Variants in ATP9B observed in about 807,000 individuals in gnomAD.
ATP9B encodes ATPase phospholipid transporting 9B.
ATP9B carries 110 observed loss-of-function variants against 146.1 expected under a neutral mutation model. The observed-to-expected ratio is 0.75, with a 90% CI of 0.65 to 0.88. The LOEUF is 0.88. Ranked by LOEUF, ATP9B falls within the 40% of genes least tolerant of loss-of-function variation. The pLI is 0.00. For missense variants in ATP9B, 1,499 were observed against 1,496.4 expected (o/e 1.00, Z -0.03); for synonymous variants, 604 against 569.7 (o/e 1.06, Z -0.86).
intron 4 of ATP9B, chr18:79,117,830 A>T (rs2094114303): frequency 6.6e-6 from 1 of 152,212 alleles, no homozygotes; most frequent in East Asian, 1.9e-4. Flanking sequence ...CATTAGCAGT[A>T]ACCTATTCTG....
At chr18:79,145,064 G>A (rs1270509582) in intron 6 of ATP9B, 1 of 185,028 alleles carries the variant, frequency 5.4e-6, no homozygotes, top group South Asian at 7.5e-5. Context: ...GACTGAAGGT[G>A]CAAGCTGCAT....
chr18:79,129,997 C>T (rs929706576), intron 5 of ATP9B, among the ~76,000 whole-genome samples: 9 of 152,156 alleles, frequency 5.9e-5, no homozygotes, highest in Admixed American at 3.9e-4. Flanking sequence ...TTGCCTTGGC[C>T]TCCCAAAGTG....
chr18:79,097,952 A>G (rs916873213), intron 2 of ATP9B, among the ~76,000 whole-genome samples: 23 of 152,036 alleles, frequency 1.5e-4, no homozygotes, highest in African/African-American at 5.1e-4. Context: ...GAATCGCCAC[A>G]CTGACTTCCA....
intron 7 of ATP9B, among the ~76,000 whole-genome samples, chr18:79,159,657 GTC>G (rs2094848525): frequency 6.6e-6 from 1 of 152,046 alleles, no homozygotes; most frequent in Non-Finnish European, 1.5e-5. Flanking sequence ...GTTGAAACGT[GTC>G]TCTACCCAGT....
intron 10 of ATP9B, among the ~76,000 whole-genome samples, chr18:79,213,693 A>C (rs373171216): frequency 6.6e-6 from 1 of 152,108 alleles, no homozygotes; most frequent in Admixed American, 6.5e-5. Flanking sequence ...CATTATCTCT[A>C]TTGTCAGTGA....
In ATP9B at chr18:79,224,707, GCT is replaced by G. The variant is rs929564600; in HGVS notation, c.1107+10674_1107+10675del. Reference sequence around the variant, plus strand: ...CGCTGCCAATGTCTGTTGGAACAAGGCTCTCTGCTGAGCATGTGTGCCATCTC... The same window carrying G: ...CGCTGCCAATGTCTGTTGGAACAAGGCTCTGCTGAGCATGTGTGCCATCTC... On this transcript the variant is annotated intron_variant, in intron 11 of 29. Coordinates refer to ENST00000426216, the MANE Select transcript of ATP9B (RefSeq NM_198531.5). 2.8e-4 allele frequency among the ~76,000 whole-genome samples: 42 copies of G among 152,172 alleles called. 1 individual carries two copies. The highest frequency in any genetic ancestry group is 1.5e-4 in the Non-Finnish European group (10 of 68,030).
chr18:79,319,262 G>A lies in ATP9B; in HGVS notation c.1774-9879G>A, dbSNP rs529210678. 7.9e-5 allele frequency among the ~76,000 whole-genome samples: 12 copies of A among 152,340 alleles called. No homozygotes were observed. In the South Asian group the frequency reaches 8.3e-4, roughly 11 times the overall value. ...AAATATTGTCTCTTGTTAAAGACACGTAAGCTGCCTTCCAGAAGTGCTTCA... is the reference window on the plus strand; with the variant it reads ...AAATATTGTCTCTTGTTAAAGACACATAAGCTGCCTTCCAGAAGTGCTTCA... On this transcript the variant is annotated intron_variant, in intron 15 of 29. Transcript: ENST00000426216.
At chr18:79,273,346 G>A (rs139433951) in intron 12 of ATP9B, among the ~76,000 whole-genome samples, 9 of 152,288 alleles carry the variant, frequency 5.9e-5, no homozygotes, top group East Asian at 1.9e-4. Context: ...GTGTTTGGGC[G>A]CCGGCCCTGC....
chr18:79,140,322 A>G (rs956103155), intron 5 of ATP9B, among the ~76,000 whole-genome samples: 1 of 152,084 alleles, frequency 6.6e-6, no homozygotes, highest in African/African-American at 2.4e-5. Context: ...ATTATCATCG[A>G]ATGGAATTTT....
intron 1 of ATP9B, chr18:79,086,535 AG>A (rs1319779579): frequency 4.0e-5 from 6 of 149,678 alleles, no homozygotes; most frequent in Admixed American, 1.3e-4. Flanking sequence ...TACACCTAAT[AG>A]TATTAGCATG....
rs890486704 is a variant in ATP9B at position 79,079,870 on chromosome 18, G to A, written c.119+10341G>A. 3.3e-5 allele frequency among the ~76,000 whole-genome samples: 5 copies of A among 152,168 alleles called. No homozygotes were observed. In the East Asian group the frequency reaches 9.6e-4, roughly 29 times the overall value. On this transcript the variant is annotated intron_variant, in intron 1 of 29. Coordinates refer to ENST00000426216, the MANE Select transcript of ATP9B (RefSeq NM_198531.5). ...AGTTTCAGTTTTCTGCATATGGCTA[G>A]CCAGTTTTCCCAACACCATTTATTA...
chr18:79,127,751 G>A (rs897146376), intron 5 of ATP9B, among the ~76,000 whole-genome samples: 36 of 152,212 alleles, frequency 2.4e-4, no homozygotes, highest in African/African-American at 7.7e-4. Flanking sequence ...GGATTATTTG[G>A]TAACTCTATG....
chr18:79,195,918 T>C (rs948219046), intron 9 of ATP9B, among the ~76,000 whole-genome samples: 1 of 152,188 alleles, frequency 6.6e-6, no homozygotes. Context: ...GTTTGAAACA[T>C]TGACAGCTCA....
chr18:79,368,087 G>T (rs1600443542), intron 26 of ATP9B, among the ~76,000 whole-genome samples: 2 of 151,924 alleles, frequency 1.3e-5, no homozygotes, highest in Middle Eastern at 6.8e-3. Flanking sequence ...ATGGCCCCGG[G>T]TGAGCTGGAC....
intron 8 of ATP9B, among the ~76,000 whole-genome samples, chr18:79,182,083 A>C (rs2095257992): frequency 6.6e-6 from 1 of 152,234 alleles, no homozygotes; most frequent in Non-Finnish European, 1.5e-5. Context: ...TGATGTCTTC[A>C]AGGCTTGTCC....
chr18:79,099,172 G>T (rs1000052661), intron 2 of ATP9B, among the ~76,000 whole-genome samples: 2 of 151,902 alleles, frequency 1.3e-5, no homozygotes, highest in Non-Finnish European at 2.9e-5. Flanking sequence ...GTTTTGACAG[G>T]TATTATCATT....
intron 8 of ATP9B, among the ~76,000 whole-genome samples, chr18:79,180,242 G>A (rs1026930826): frequency 2.0e-5 from 3 of 151,962 alleles, no homozygotes; most frequent in African/African-American, 7.3e-5. Flanking sequence ...TACAGTAATC[G>A]TTAATGTGGT....
At position 79,180,430 on chromosome 18, in the gene ATP9B, T is replaced by C. The variant is rs138605417; in HGVS notation, c.873+3523T>C. ...TTTAACTTACCGCAATATTTCTCCA[T>C]GTCACTTACAGTGTAAGAGTTGTGC... On this transcript the variant is annotated intron_variant, in intron 8 of 29. Transcript: ENST00000426216. 1.8e-3 allele frequency among the ~76,000 whole-genome samples: 271 copies of C among 152,358 alleles called. 2 individuals are homozygous for C. The highest frequency in any genetic ancestry group is 6.3e-3 in the African/African-American group (260 of 41,578).
Position 79,337,464 on chromosome 18 carries a change from C to T in ATP9B, c.2283+15C>T. ...CCGGGATCAAGGTACTGCAGGCTCA[C>T]CTCTGCTGGCGCGCGCTGCTTTTGC... On this transcript the variant is annotated intron_variant, in intron 19 of 29. Coordinates refer to ENST00000426216, the MANE Select transcript of ATP9B (RefSeq NM_198531.5). The T allele has an allele frequency of 6.2e-7, 1 of 1,602,804 alleles. No individual in the cohort carries two copies. The highest frequency in any genetic ancestry group is 8.5e-7 in the Non-Finnish European group (1 of 1,177,862).
Sources: gnomAD v4.1 joint callset for allele counts (sites outside exome capture counted in the v4.1 genomes callset) on GRCh38, gnomAD v4.1.1 for gene constraint, MANE v1.5 for transcripts, NCBI Gene and HGNC (gene_info 2026-07-23, HGNC 2026-07-21) for gene names.